Variants in GATAD2B observed in about 807,000 individuals in gnomAD.
The protein encoded by GATAD2B is GATA zinc finger domain containing 2B, also known as transcriptional repressor p66-beta.
In GATAD2B, 8 loss-of-function variants were observed where a neutral mutation model predicts 64.3. That is an observed-to-expected ratio of 0.12 (90% CI 0.07 to 0.22). The LOEUF (loss-of-function observed/expected upper bound fraction) is 0.22. Ranked by LOEUF, GATAD2B falls within the 10% of genes least tolerant of loss-of-function variation. GATAD2B has a pLI of 1.00. For missense variants in GATAD2B, 453 were observed against 752.0 expected (o/e 0.60, Z 4.65); for synonymous variants, 281 against 271.3 (o/e 1.04, Z -0.35).
At chr1:153,859,710 C>T (rs1676212639) in intron 1 of GATAD2B, among the ~76,000 whole-genome samples, 1 of 151,190 alleles carries the variant, frequency 6.6e-6, no homozygotes, top group African/African-American at 2.4e-5. Flanking sequence ...ATAGACATTA[C>T]TTTTATGAAT....
chr1:153,831,605 G>A (rs1023679151), intron 1 of GATAD2B, among the ~76,000 whole-genome samples: 7 of 152,170 alleles, frequency 4.6e-5, no homozygotes, highest in Non-Finnish European at 1.0e-4. Context: ...ATTCAGAGCT[G>A]TGCAACTATC....
intron 2 of GATAD2B, chr1:153,827,508 G>C (rs12058878): frequency 0.022 from 3,529 of 158,014 alleles, 133 homozygotes; most frequent in African/African-American, 0.078. Flanking sequence ...ATATGTATAT[G>C]GGGGAGCTGG....
intron 2 of GATAD2B, among the ~76,000 whole-genome samples, chr1:153,820,128 C>A (rs1403331051): frequency 6.6e-6 from 1 of 150,952 alleles, no homozygotes; most frequent in Non-Finnish European, 1.5e-5. Context: ...AATAGTCTAT[C>A]CTGTCAAGAG....
intron 1 of GATAD2B, among the ~76,000 whole-genome samples, chr1:153,869,374 A>C (rs1157683719): frequency 6.6e-6 from 1 of 151,626 alleles, no homozygotes; most frequent in Non-Finnish European, 1.5e-5. Flanking sequence ...TCTATTTATC[A>C]ACTTGAGTTT....
chr1:153,863,268 G>C (rs1309753874), intron 1 of GATAD2B, among the ~76,000 whole-genome samples: 1 of 152,064 alleles, frequency 6.6e-6, no homozygotes, highest in Admixed American at 6.5e-5. Context: ...ATCACCTGAG[G>C]TCAGGAGTTC....
intron 1 of GATAD2B, among the ~76,000 whole-genome samples, chr1:153,878,408 G>A (rs758886488): frequency 3.9e-5 from 6 of 152,024 alleles, no homozygotes; most frequent in Admixed American, 6.6e-5. Context: ...TTACGGCTGT[G>A]AGCCACTGTG....
intron 2 of GATAD2B, among the ~76,000 whole-genome samples, chr1:153,822,949 T>C (rs899719387): frequency 3.3e-5 from 5 of 152,178 alleles, no homozygotes; most frequent in African/African-American, 9.7e-5. Flanking sequence ...CCTGAGTAGC[T>C]AGTTTTTAAA....
Position 153,813,361 on chromosome 1 carries a change from A to C in GATAD2B, c.1308T>G (p.Asn436Lys). ...TACACTGCTCACATAGAATCTTACC[A>C]TTCTTTTCTTGCTTCCAGTGAGGGG... ...DFTPHWKQEK[N>K]GKILCEQCMT... Residue 436 changes from asparagine (N) to lysine (K), a missense_variant, in exon 8 of 11, where the codon AAT becomes AAG. Asn to Lys is a moderately conservative substitution (Grantham distance 94). This residue lies in a region of GATAD2B where 160 missense variants were observed against 334.7 expected (regional missense o/e 0.48). Coordinates refer to ENST00000368655, the MANE Select transcript of GATAD2B (RefSeq NM_020699.4). The C allele has an allele frequency of 6.2e-7, 1 of 1,614,016 alleles. No homozygotes were observed. Among genetic ancestry groups the C allele is most frequent in the Non-Finnish European group, 8.5e-7 (1 of 1,179,912 alleles).
intron 1 of GATAD2B, among the ~76,000 whole-genome samples, chr1:153,879,632 G>A (rs754870986): frequency 4.0e-5 from 6 of 151,794 alleles, no homozygotes; most frequent in Admixed American, 2.0e-4. Context: ...GCATGGTGGC[G>A]CAGGCCTGTA....
chr1:153,869,416 A>G (rs1676589080), intron 1 of GATAD2B, among the ~76,000 whole-genome samples: 1 of 151,986 alleles, frequency 6.6e-6, no homozygotes, highest in Non-Finnish European at 1.5e-5. Flanking sequence ...TCTTTCCCAT[A>G]TTTATTTATA....
intron 1 of GATAD2B, among the ~76,000 whole-genome samples, chr1:153,882,999 T>C (rs1677055615): frequency 1.3e-5 from 2 of 152,152 alleles, no homozygotes; most frequent in South Asian, 2.1e-4. Context: ...TCTTTCTCTA[T>C]CTGATCAACT....
chr1:153,915,645 G>T (rs1169932885), intron 1 of GATAD2B, among the ~76,000 whole-genome samples: 1 of 150,966 alleles, frequency 6.6e-6, no homozygotes, highest in Non-Finnish European at 1.5e-5. Flanking sequence ...TGAGGTAAGA[G>T]GATCACTTGA....
Position 153,850,783 on chromosome 1 carries a change from T to A in GATAD2B, c.-1-22435A>T, listed in dbSNP as rs536414318. On this transcript the variant is annotated intron_variant, in intron 1 of 10. Transcript: ENST00000368655. Reference sequence around the variant, plus strand: ...TAAATAAACAAAAATTAGCCAGGCGTGGTGGTGTGCGCCTATAATCTCAGC... The same window carrying A: ...TAAATAAACAAAAATTAGCCAGGCGAGGTGGTGTGCGCCTATAATCTCAGC... Among the ~76,000 whole-genome samples the A allele has an allele frequency of 1.4e-4, 21 of 151,892 alleles. No homozygotes were observed. The East Asian group carries it at 4.1e-3, about 30-fold the overall frequency.
intron 1 of GATAD2B, among the ~76,000 whole-genome samples, chr1:153,842,045 C>T (rs995178179): frequency 3.9e-5 from 6 of 152,114 alleles, no homozygotes; most frequent in African/African-American, 4.8e-5. Context: ...ACCATCTTAA[C>T]AATCTGCAGC....
chr1:153,814,002 T>G (rs968964077), intron 7 of GATAD2B, among the ~76,000 whole-genome samples: 34 of 152,120 alleles, frequency 2.2e-4, no homozygotes, highest in African/African-American at 8.2e-4. Context: ...ACAACAAAGG[T>G]AGCTTCTAAC....
chr1:153,819,361 C>A (rs945810539), intron 3 of GATAD2B, among the ~76,000 whole-genome samples: 11 of 152,160 alleles, frequency 7.2e-5, no homozygotes, highest in Admixed American at 5.2e-4. Flanking sequence ...CTTTTGTTTT[C>A]ATTTTCCAAA....
At chr1:153,825,537 C>T (rs1486062459) in intron 2 of GATAD2B, among the ~76,000 whole-genome samples, 1 of 152,122 alleles carries the variant, frequency 6.6e-6, no homozygotes, top group African/African-American at 2.4e-5. Context: ...AATTCTCACG[C>T]TTCAGCCTCT....
At chr1:153,901,776 A>T (rs540641317) in intron 1 of GATAD2B, among the ~76,000 whole-genome samples, 6 of 151,640 alleles carry the variant, frequency 4.0e-5, no homozygotes, top group Non-Finnish European at 8.8e-5. Context: ...GTGAGCCACG[A>T]TCGTGCCACT....
intron 1 of GATAD2B, among the ~76,000 whole-genome samples, chr1:153,906,542 T>C (rs940685235): frequency 2.2e-4 from 34 of 151,546 alleles, no homozygotes; most frequent in African/African-American, 7.5e-4. Context: ...ACAAAATAAA[T>C]GAAAGACTAA....
Sources: allele counts gnomAD v4.1 joint callset (sites outside exome capture counted in the v4.1 genomes callset), GRCh38; gene constraint gnomAD v4.1.1; regional missense constraint gnomAD v4.1.1; transcripts MANE v1.5; gene names NCBI Gene and HGNC (gene_info 2026-07-23, HGNC 2026-07-21).